The following GDA variants were observed in gnomAD, a reference collection of about 807,000 sequenced individuals.
GDA encodes cytoplasmic PSD-95 interactor.
GDA carries 18 observed loss-of-function variants against 59.6 expected under a neutral mutation model. The observed-to-expected ratio is 0.30, with a 90% CI of 0.21 to 0.45. The LOEUF (loss-of-function observed/expected upper bound fraction) is 0.45. Among genes scored for constraint, GDA ranks in the 20% least tolerant of loss-of-function variants. The pLI, the probability that GDA is intolerant of heterozygous loss-of-function variation, is 1.00. For synonymous variants in GDA, 201 were observed against 201.1 expected (o/e 1.00, Z 0.00); for missense variants, 427 against 552.3 (o/e 0.77, Z 2.27).
At chr9:72,255,774 A>G (rs982550194), downstream of GDA, among the ~76,000 whole-genome samples, 3 of 152,204 alleles carry the variant, frequency 2.0e-5, no homozygotes, top group African/African-American at 4.8e-5. Context: ...AAGAGAAGCT[A>G]TGGAGTTTAG....
rs1225989801 is a variant in GDA at position 72,149,519 on chromosome 9, C to A, written c.-41C>A. 1 of 1,602,904 alleles carries A rather than the reference C, an allele frequency of 6.2e-7. No homozygotes were observed. Among genetic ancestry groups the A allele is most frequent in the Non-Finnish European group, 8.5e-7 (1 of 1,177,128 alleles). ...CCCGCTGCGTCTCCGCCGCGTGCGC[C>A]CTCCTCGACCAGCAGACCCGCGCTG... is the stretch of plus-strand genomic sequence containing the variant. On this transcript the variant is annotated 5_prime_UTR_variant, in exon 1 of 14. Transcript: ENST00000358399.
intron 10 of GDA, 101 bp downstream of exon 10, chr9:72,231,282 A>G: frequency 1.3e-6 from 1 of 757,772 alleles, no homozygotes; most frequent in Non-Finnish European, 2.4e-6. Flanking sequence ...AAAAAAAAAA[A>G]AAATTAGTTT....
intron 1 of GDA, among the ~76,000 whole-genome samples, chr9:72,157,338 G>C (rs1396223123): frequency 6.6e-6 from 1 of 152,188 alleles, no homozygotes; most frequent in African/African-American, 2.4e-5. Flanking sequence ...ACGGTAGCCA[G>C]CCCAGACTTC....
At chr9:72,176,444 G>A (rs1458110176) in intron 1 of GDA, among the ~76,000 whole-genome samples, 4 of 152,238 alleles carry the variant, frequency 2.6e-5, no homozygotes, top group Admixed American at 2.0e-4. Flanking sequence ...CTGAAGGGAA[G>A]AGTGTCGAAG....
At chr9:72,254,900 C>T (rs1840851096), downstream of GDA, among the ~76,000 whole-genome samples, 1 of 152,192 alleles carries the variant, frequency 6.6e-6, no homozygotes, top group African/African-American at 2.4e-5. Flanking sequence ...GTTTCATCCA[C>T]ACCTGAGTTA....
At chr9:72,177,191 C>T (rs1465349549) in intron 1 of GDA, among the ~76,000 whole-genome samples, 1 of 150,122 alleles carries the variant, frequency 6.7e-6, no homozygotes, top group Non-Finnish European at 1.5e-5. Context: ...CTCCACCTCC[C>T]GGGTTCACTT....
At chr9:72,244,247 C>T (rs1202482178) in intron 11 of GDA, among the ~76,000 whole-genome samples, 1 of 152,034 alleles carries the variant, frequency 6.6e-6, no homozygotes, top group Admixed American at 6.6e-5. Flanking sequence ...TCCATGCTTC[C>T]ATTTGTGACC....
chr9:72,136,156 T>G (rs1160588768), intron 1 of GDA, among the ~76,000 whole-genome samples: 1 of 152,130 alleles, frequency 6.6e-6, no homozygotes, highest in Admixed American at 6.6e-5. Context: ...AAGAAAACCA[T>G]GAACATAAAT....
At chr9:72,225,988 A>AGT (rs35524358) in intron 8 of GDA, among the ~76,000 whole-genome samples, 5,235 of 147,930 alleles carry the variant, frequency 0.035, 136 homozygotes, top group African/African-American at 0.076. Flanking sequence ...AGTAAAGCCT[A>AGT]GTGTGTGTGT....
At chr9:72,245,748 G>A (rs1840068642) in intron 12 of GDA, among the ~76,000 whole-genome samples, 1 of 152,108 alleles carries the variant, frequency 6.6e-6, no homozygotes, top group Admixed American at 6.6e-5. Flanking sequence ...TTCACACCTG[G>A]GACTTTCTGA....
intron 1 of GDA, 125 bp downstream of exon 1, chr9:72,149,807 A>G: frequency 5.0e-6 from 5 of 998,704 alleles, no homozygotes; most frequent in South Asian, 1.8e-5. Context: ...TCCGGAGTTG[A>G]ACTTGAGTCT....
Position 72,249,483 on chromosome 9 carries a change from T to A in GDA, c.*1141T>A. The A allele has an allele frequency of 1.4e-6, 1 of 726,716 alleles. No homozygotes were observed. Among genetic ancestry groups the A allele is most frequent in the Non-Finnish European group, 1.7e-6 (1 of 594,098 alleles). The allele number at this position is 726,716 out of a possible 1,614,324, so 45.0% of individuals were successfully genotyped here. A position where few individuals can be genotyped will look rare whatever the true frequency, so the allele number is the denominator to read the frequency against. ...TAACTCCTTATAATGTTTAGGATATTAAAATTTTAGGATAATGAAGAGTAC... is the reference window on the plus strand; with the variant it reads ...TAACTCCTTATAATGTTTAGGATATAAAAATTTTAGGATAATGAAGAGTAC... On this transcript the variant is annotated 3_prime_UTR_variant, in exon 14 of 14. Transcript: ENST00000358399.
In GDA at chr9:72,245,170, T is replaced by A. The variant is rs750563534; in HGVS notation, c.1158T>A (p.Ile386=). 1.1e-5 allele frequency: 18 copies of A among 1,613,756 alleles called. No homozygotes were observed. In the East Asian group the frequency reaches 3.6e-4, roughly 32 times the overall value. ...GSQALGLDGE[I]GNFEVGKEFD... is the part of the protein sequence containing the mutation. ...TAGCCCTGGGGCTGGATGGTGAGAT[T>A]GGAAACTTTGAAGTGGGCAAGGAAT... The change falls in exon 12 of 14, where the codon ATT becomes ATA. Residue 386 remains isoleucine, a synonymous_variant. Transcript: ENST00000358399.
chr9:72,209,919 T>C (rs1180930522), intron 3 of GDA, among the ~76,000 whole-genome samples: 1 of 152,148 alleles, frequency 6.6e-6, no homozygotes, highest in East Asian at 1.9e-4. Context: ...TCAGCCAGAT[T>C]TTCACTTAAA....
chr9:72,245,452 T>A (rs1250826855), intron 12 of GDA, among the ~76,000 whole-genome samples, 174 bp downstream of exon 12: 3 of 152,232 alleles, frequency 2.0e-5, no homozygotes, highest in Non-Finnish European at 4.4e-5. Context: ...ATGTTAAGAA[T>A]AATGGTGTTA....
chr9:72,194,976 C>A (rs771763709), intron 1 of GDA, among the ~76,000 whole-genome samples: 31 of 152,172 alleles, frequency 2.0e-4, no homozygotes, highest in Non-Finnish European at 4.4e-4. Flanking sequence ...GAAATGCTCT[C>A]CACACCACAT....
chr9:72,127,500 G>C (rs1359585277), intron 1 of GDA, among the ~76,000 whole-genome samples: 1 of 151,980 alleles, frequency 6.6e-6, no homozygotes, highest in Non-Finnish European at 1.5e-5. Flanking sequence ...AGTTAGGTGT[G>C]GTGGTGTGCG....
chr9:72,229,530 T>C (rs1306139387), intron 9 of GDA, among the ~76,000 whole-genome samples: 2 of 152,128 alleles, frequency 1.3e-5, no homozygotes, highest in Non-Finnish European at 2.9e-5. Flanking sequence ...AACTCAAAGT[T>C]ATCCTGCCCA....
At chr9:72,120,291 G>A (rs920430095) in intron 1 of GDA, among the ~76,000 whole-genome samples, 2 of 151,742 alleles carry the variant, frequency 1.3e-5, no homozygotes, top group Non-Finnish European at 2.9e-5. Flanking sequence ...GGGTTCAAGC[G>A]ATTCTCCTGC....
Sources: allele counts gnomAD v4.1 joint callset (sites outside exome capture counted in the v4.1 genomes callset), GRCh38; gene constraint gnomAD v4.1.1; transcripts MANE v1.5; gene names NCBI Gene and HGNC (gene_info 2026-07-23, HGNC 2026-07-21).